The following TRPM6 variants were observed in gnomAD, a reference collection of about 807,000 sequenced individuals.
TRPM6 encodes the protein transient receptor potential cation channel subfamily M member 6.
Under a neutral mutation model 247.6 loss-of-function variants are expected in TRPM6, and 111 were observed. The observed-to-expected ratio is 0.45, with a 90% CI of 0.38 to 0.52. TRPM6 has a LOEUF of 0.52. Among genes scored for constraint, TRPM6 ranks in the 20% least tolerant of loss-of-function variants. TRPM6 has a pLI of 0.00. For missense variants in TRPM6, 2,126 were observed against 2,421.5 expected (o/e 0.88, Z 2.56); for synonymous variants, 892 against 853.8 (o/e 1.04, Z -0.78).
chr9:74,846,833 G>A (rs1830125302), intron 3 of TRPM6, among the ~76,000 whole-genome samples: 1 of 152,162 alleles, frequency 6.6e-6, no homozygotes, highest in African/African-American at 2.4e-5. Flanking sequence ...ACAGTCGTGA[G>A]CCACTGCTCC....
At chr9:74,792,231 G>A (rs185979490) in intron 19 of TRPM6, among the ~76,000 whole-genome samples, 23 of 152,272 alleles carry the variant, frequency 1.5e-4, no homozygotes, top group African/African-American at 3.6e-4. Context: ...TAGGAGTGCC[G>A]AGAGAGTTTT....
intron 14 of TRPM6, among the ~76,000 whole-genome samples, 185 bp from the exon 15 acceptor site, chr9:74,804,071 C>A (rs369180321): frequency 6.6e-6 from 1 of 152,092 alleles, no homozygotes; most frequent in South Asian, 2.1e-4. Flanking sequence ...TGATTAGCAC[C>A]CAACAAGAGC....
intron 38 of TRPM6, among the ~76,000 whole-genome samples, chr9:74,727,998 G>A (rs974172843): frequency 3.3e-5 from 5 of 152,132 alleles, no homozygotes; most frequent in Non-Finnish European, 7.4e-5. Flanking sequence ...TTCTTTTGGA[G>A]TGACTGTGAC....
At chr9:74,773,663 G>C (rs1825087251) in intron 24 of TRPM6, among the ~76,000 whole-genome samples, 1 of 152,124 alleles carries the variant, frequency 6.6e-6, no homozygotes, top group African/African-American at 2.4e-5. Context: ...TCTCTTTCTT[G>C]AATGGTTTTG....
intron 11 of TRPM6, among the ~76,000 whole-genome samples, chr9:74,816,048 C>G (rs921186898): frequency 2.6e-5 from 4 of 151,930 alleles, no homozygotes; most frequent in African/African-American, 9.7e-5. Context: ...AGAAATCTAC[C>G]CAAAAATAAA....
Position 74,750,607 on chromosome 9 carries a change from C to G in TRPM6, c.5057+57G>C, listed in dbSNP as rs369196695. On this transcript the variant is annotated intron_variant, in intron 30 of 38. Transcript: ENST00000360774. ...ACTAAATTAAACCTTTGCTCCTAAC[C>G]AAGTTAAAAAAATGGAAGCCAAAGA... 5.0e-5 allele frequency: 75 copies of G among 1,494,766 alleles called. No individual in the cohort carries two copies. In the African/African-American group the frequency reaches 9.7e-4, roughly 19 times the overall value. The allele number at this position is 1,494,766 out of a possible 1,614,324, so 92.6% of individuals were successfully genotyped here.
chr9:74,813,143 A>G (rs1828795588), intron 11 of TRPM6, among the ~76,000 whole-genome samples: 1 of 152,334 alleles, frequency 6.6e-6, no homozygotes, highest in Admixed American at 6.5e-5. Context: ...TTCTAGGCAC[A>G]AATGGCAAGT....
chr9:74,861,420 C>T (rs1170435166), intron 1 of TRPM6, among the ~76,000 whole-genome samples: 11 of 152,014 alleles, frequency 7.2e-5, no homozygotes, highest in Non-Finnish European at 1.5e-4. Flanking sequence ...ATTTTTCATG[C>T]CTCTGGGACA....
At chr9:74,846,585 C>A (rs1013131335) in intron 3 of TRPM6, among the ~76,000 whole-genome samples, 1 of 151,962 alleles carries the variant, frequency 6.6e-6, no homozygotes, top group East Asian at 1.9e-4. Flanking sequence ...CTCTCTGTTG[C>A]CCAGGCTGGA....
At chr9:74,755,307 A>C in intron 28 of TRPM6, 46 bp downstream of exon 28, 1 of 1,611,152 alleles carries the variant, frequency 6.2e-7, no homozygotes, top group Non-Finnish European at 8.5e-7. Context: ...ACCCTGAGAA[A>C]ACCCCACCAG....
intron 27 of TRPM6, 103 bp from the exon 28 acceptor site, chr9:74,755,576 T>G: frequency 1.4e-6 from 2 of 1,407,110 alleles, no homozygotes; most frequent in South Asian, 2.3e-5. Flanking sequence ...CTGTTAACAC[T>G]GGCTGCATAT....
intron 13 of TRPM6, 50 bp from the exon 14 acceptor site, chr9:74,808,224 T>C: frequency 6.2e-7 from 1 of 1,611,202 alleles, no homozygotes; most frequent in Non-Finnish European, 8.5e-7. Context: ...TCTTCTTTCA[T>C]TTCTCTTGCC....
intron 1 of TRPM6, among the ~76,000 whole-genome samples, chr9:74,859,822 A>G (rs1564054623): frequency 6.6e-6 from 1 of 152,118 alleles, no homozygotes; most frequent in Non-Finnish European, 1.5e-5. Flanking sequence ...ATACACACAT[A>G]GATATTAGAA....
At chr9:74,763,233 T>C in intron 25 of TRPM6, 99 bp from the exon 26 acceptor site, 3 of 1,142,942 alleles carry the variant, frequency 2.6e-6, no homozygotes, top group Non-Finnish European at 3.9e-6. Context: ...CTCCTGAGCC[T>C]CAGCTGCTTC....
intron 6 of TRPM6, 69 bp from the exon 7 acceptor site, chr9:74,828,018 G>A (rs1829405019): frequency 8.6e-6 from 13 of 1,511,908 alleles, no homozygotes; most frequent in African/African-American, 1.4e-5. Flanking sequence ...TGCTCCAAAG[G>A]CCTATCTTTA....
intron 1 of TRPM6, among the ~76,000 whole-genome samples, chr9:74,883,258 G>T (rs1484903248): frequency 6.6e-6 from 1 of 152,106 alleles, no homozygotes; most frequent in Non-Finnish European, 1.5e-5. Flanking sequence ...TATCCATCCA[G>T]AAAATCTATT....
At chr9:74,744,300 T>C (rs766371988) in intron 31 of TRPM6, 155 bp from the exon 32 acceptor site, 105 of 742,882 alleles carry the variant, frequency 1.4e-4, no homozygotes, top group Admixed American at 4.5e-4. Flanking sequence ...AACCACAGTA[T>C]TGCGCATGGT....
chr9:74,787,888 T>C (rs1827752955), intron 20 of TRPM6, among the ~76,000 whole-genome samples: 1 of 152,156 alleles, frequency 6.6e-6, no homozygotes, highest in African/African-American at 2.4e-5. Context: ...GCTAATTTTT[T>C]GTATTTTTAG....
intron 7 of TRPM6, among the ~76,000 whole-genome samples, chr9:74,823,141 G>A (rs1490390793): frequency 1.3e-5 from 2 of 152,106 alleles, no homozygotes; most frequent in African/African-American, 2.4e-5. Flanking sequence ...ACTCACCCCT[G>A]AGCAAAAGAG....
Sources: allele counts gnomAD v4.1 joint callset (sites outside exome capture counted in the v4.1 genomes callset), GRCh38; gene constraint gnomAD v4.1.1; transcripts MANE v1.5; gene names NCBI Gene and HGNC (gene_info 2026-07-23, HGNC 2026-07-21).